Variants in GTF2I observed in about 807,000 individuals in gnomAD.
GTF2I encodes the protein general transcription factor II-I.
Under a neutral mutation model 67.6 loss-of-function variants are expected in GTF2I, and 12 were observed. The observed-to-expected ratio is 0.18, with a 90% CI of 0.11 to 0.29. GTF2I has a LOEUF of 0.29. Ranked by LOEUF, GTF2I falls within the 10% of genes least tolerant of loss-of-function variation. The pLI is 1.00. For missense variants in GTF2I, 271 were observed against 580.1 expected (o/e 0.47, Z 5.47); for synonymous variants, 149 against 197.0 (o/e 0.76, Z 2.04).
intron 3 of GTF2I, among the ~76,000 whole-genome samples, 156 bp from the exon 4 acceptor site, chr7:74,698,805 T>C (rs1217605323): frequency 6.6e-6 from 1 of 152,194 alleles, no homozygotes; most frequent in African/African-American, 2.4e-5. Context: ...TGTTAAAGAA[T>C]GGTTAAGAAA....
At chr7:74,668,389 T>C (rs1805176138) in intron 1 of GTF2I, among the ~76,000 whole-genome samples, 3 of 151,438 alleles carry the variant, frequency 2.0e-5, no homozygotes, top group African/African-American at 4.8e-5. Context: ...TATTATGGTG[T>C]ACTTGGAGAA....
chr7:74,675,095 C>T (rs905543493), intron 1 of GTF2I, among the ~76,000 whole-genome samples: 1 of 152,120 alleles, frequency 6.6e-6, no homozygotes, highest in Non-Finnish European at 1.5e-5. Flanking sequence ...TCAGGTGATC[C>T]ACCCACCTCG....
chr7:74,687,662 C>T, intron 1 of GTF2I: 1 of 498,466 alleles, frequency 2.0e-6, no homozygotes, highest in South Asian at 8.6e-5. Context: ...GGAAATAGAG[C>T]ATCCTCTTTA....
chr7:74,665,104 G>A (rs1406751611), intron 1 of GTF2I, among the ~76,000 whole-genome samples: 1 of 151,862 alleles, frequency 6.6e-6, no homozygotes, highest in African/African-American at 2.4e-5. Context: ...CACCACGCCT[G>A]GCTAATTTTG....
intron 1 of GTF2I, among the ~76,000 whole-genome samples, chr7:74,684,378 C>T (rs587623783): frequency 2.0e-5 from 3 of 152,352 alleles, no homozygotes; most frequent in Admixed American, 2.0e-4. Context: ...AACCCATACA[C>T]CAGCTCTCTA....
At chr7:74,735,624 C>G (rs1218749960) in intron 17 of GTF2I, 92 bp downstream of exon 17, 1 of 352,032 alleles carries the variant, frequency 2.8e-6, no homozygotes, top group African/African-American at 2.5e-5. Flanking sequence ...AAAGTAAATA[C>G]AGTGAATAGG....
At chr7:74,660,411 T>C (rs2131169784) in intron 1 of GTF2I, among the ~76,000 whole-genome samples, 1 of 151,866 alleles carries the variant, frequency 6.6e-6, no homozygotes, top group East Asian at 2.0e-4. Flanking sequence ...AGGCTGGTCT[T>C]GAACTCCTGA....
At chr7:74,700,196 T>G in intron 4 of GTF2I, 51 bp from the exon 5 acceptor site, 1 of 1,580,662 alleles carries the variant, frequency 6.3e-7, no homozygotes, top group South Asian at 1.1e-5. Context: ...GATGATTTCA[T>G]TTTGTAATCT....
At chr7:74,699,216 A>G in intron 4 of GTF2I, 121 bp downstream of exon 4, 1 of 461,228 alleles carries the variant, frequency 2.2e-6, no homozygotes, top group Non-Finnish European at 3.7e-6. Flanking sequence ...TGAATGGATT[A>G]GCAATAACCT....
chr7:74,678,406 A>C (rs1230214484), intron 1 of GTF2I, among the ~76,000 whole-genome samples: 1 of 152,132 alleles, frequency 6.6e-6, no homozygotes, highest in Non-Finnish European at 1.5e-5. Context: ...TCTGAATGCA[A>C]AACATTGAGT....
chr7:74,715,597 C>CT (rs1220607362), intron 10 of GTF2I, among the ~76,000 whole-genome samples: 2 of 152,010 alleles, frequency 1.3e-5, no homozygotes, highest in Non-Finnish European at 2.9e-5. Context: ...CCTCACATCT[C>CT]TTTTTTCTTT....
intron 14 of GTF2I, among the ~76,000 whole-genome samples, 181 bp from the exon 15 acceptor site, chr7:74,732,298 C>T (rs1186126011): frequency 3.3e-5 from 5 of 151,458 alleles, no homozygotes; most frequent in South Asian, 4.2e-4. Flanking sequence ...GGCGTGAGCC[C>T]GGGAGGCAGA....
intron 26 of GTF2I, among the ~76,000 whole-genome samples, chr7:74,750,688 A>C (rs1179612455): frequency 5.0e-5 from 4 of 79,508 alleles, no homozygotes; most frequent in Non-Finnish European, 9.2e-5. Flanking sequence ...GCTTACTGCA[A>C]ATTCCGCCTC....
At chr7:74,680,599 G>A (rs1350899343) in intron 1 of GTF2I, among the ~76,000 whole-genome samples, 5 of 151,994 alleles carry the variant, frequency 3.3e-5, no homozygotes, top group African/African-American at 4.8e-5. Flanking sequence ...AAAATTAGCC[G>A]GGCGTGGTGC....
At chr7:74,700,490 A>G (rs1554399593) in intron 5 of GTF2I, 60 bp downstream of exon 5, 36 of 1,600,238 alleles carry the variant, frequency 2.2e-5, no homozygotes, top group Non-Finnish European at 3.1e-5. Flanking sequence ...TTGAATATTT[A>G]GCTTACGTTA....
chr7:74,720,510 A>G (rs1792816305), intron 12 of GTF2I, among the ~76,000 whole-genome samples: 1 of 152,120 alleles, frequency 6.6e-6, no homozygotes, highest in Non-Finnish European at 1.5e-5. Context: ...AATCTAAAAC[A>G]TTTTGCATTG....
intron 19 of GTF2I, 53 bp from the exon 20 acceptor site, chr7:74,743,396 T>TTGC: frequency 2.3e-6 from 1 of 434,944 alleles, no homozygotes. Flanking sequence ...CCATTCTGAT[T>TTGC]TGCAACAGCA....
intron 3 of GTF2I, among the ~76,000 whole-genome samples, chr7:74,696,018 G>A (rs1788859533): frequency 6.7e-6 from 1 of 149,788 alleles, no homozygotes; most frequent in Admixed American, 6.7e-5. Flanking sequence ...TTTTTAAGGA[G>A]TCTCGCCCTG....
chr7:74,731,700 A>G (rs1330627606), intron 14 of GTF2I, among the ~76,000 whole-genome samples: 8 of 150,222 alleles, frequency 5.3e-5, no homozygotes, highest in African/African-American at 1.7e-4. Flanking sequence ...GCCCGCCACC[A>G]TGCCCAGCTA....
Sources: allele counts gnomAD v4.1 joint callset (sites outside exome capture counted in the v4.1 genomes callset), GRCh38; gene constraint gnomAD v4.1.1; transcripts MANE v1.5; gene names NCBI Gene and HGNC (gene_info 2026-07-23, HGNC 2026-07-21).